Variants in ADAMTSL1 observed in about 807,000 individuals in gnomAD.
ADAMTSL1 encodes ADAMTS like 1.
In ADAMTSL1, 126 loss-of-function variants were observed where a neutral mutation model predicts 201.8. The observed-to-expected ratio is 0.62, with a 90% CI of 0.54 to 0.72. The LOEUF (loss-of-function observed/expected upper bound fraction) is 0.72. ADAMTSL1 is among the 30% of genes least tolerant of loss of function. The probability of loss-of-function intolerance (pLI) is 0.00; values close to 1 mark genes in which losing one functional copy is unlikely to be tolerated. For synonymous variants in ADAMTSL1, 1,121 were observed against 903.4 expected (o/e 1.24, Z -4.32); for missense variants, 2,679 against 2,277.8 (o/e 1.18, Z -3.59).
At chr9:18,004,780 T>C (rs936012435) in intron 1 of ADAMTSL1, among the ~76,000 whole-genome samples, 2 of 151,980 alleles carry the variant, frequency 1.3e-5, no homozygotes, top group Non-Finnish European at 2.9e-5. Flanking sequence ...TTAGTATTAT[T>C]TATTAGAAGA....
chr9:18,156,032 A>T (rs1267094327), intron 1 of ADAMTSL1, among the ~76,000 whole-genome samples: 1 of 152,020 alleles, frequency 6.6e-6, no homozygotes, highest in South Asian at 2.1e-4. Flanking sequence ...GAAGAGTCTC[A>T]GACTGCAGCC....
chr9:18,890,050 G>A (rs376869966), intron 25 of ADAMTSL1, among the ~76,000 whole-genome samples: 87 of 152,166 alleles, frequency 5.7e-4, no homozygotes, highest in Non-Finnish European at 7.5e-4. Context: ...AGCCATAGAC[G>A]CCCCCCATCC....
At chr9:18,009,128 C>T (rs944553573) in intron 1 of ADAMTSL1, among the ~76,000 whole-genome samples, 20 of 152,020 alleles carry the variant, frequency 1.3e-4, no homozygotes, top group Non-Finnish European at 2.6e-4. Context: ...CATTATTCAA[C>T]CAGTTCTTGC....
In ADAMTSL1 at chr9:17,994,090, T is replaced by TTGTGTGTGTGTG. The variant is rs367861504; in HGVS notation, c.87+87188_87+87199dup. Reference sequence around the variant, plus strand: ...CTCCACCTCGGCAGACAGAATCTCATTGTGTGTGTGTGTGTGTGTGTGTGT... The same window carrying TTGTGTGTGTGTG: ...CTCCACCTCGGCAGACAGAATCTCATTGTGTGTGTGTGTGTGTGTGTGTGTGTGTGTGTGTGT... On this transcript the variant is annotated intron_variant, in intron 1 of 29. Transcript: ENST00000680146. Among the ~76,000 whole-genome samples the TTGTGTGTGTGTG allele has an allele frequency of 8.3e-3, 1,186 of 142,160 alleles. 22 individuals carry two copies. The highest frequency in any genetic ancestry group is 0.029 in the African/African-American group (1,124 of 39,144). The allele number at this position is 142,160 out of a possible 152,430, so 93.3% of individuals were successfully genotyped here.
chr9:18,771,720 T>C lies in ADAMTSL1; in HGVS notation c.2397+939T>C, dbSNP rs1820699574. On this transcript the variant is annotated intron_variant, in intron 17 of 28. Transcript: ENST00000380548. ...ACCCCAGTGCCTTTTTTTTTTTTTT[T>C]TTTTTTTTTTTTTGGATAGTATACA... 2.4e-5 allele frequency among the ~76,000 whole-genome samples: 3 copies of C among 123,620 alleles called. 1 individual carries two copies. Among genetic ancestry groups the C allele is most frequent in the East Asian group, 4.4e-4 (2 of 4,588 alleles). The allele number at this position is 123,620 out of a possible 152,430, so 81.1% of individuals were successfully genotyped here.
intron 2 of ADAMTSL1, among the ~76,000 whole-genome samples, chr9:18,218,355 A>T (rs980489116): frequency 6.6e-6 from 1 of 152,188 alleles, no homozygotes; most frequent in African/African-American, 2.4e-5. Context: ...TATTAAGTCC[A>T]TGCTATTTGG....
At chr9:18,474,109 A>G, upstream of ADAMTSL1, 1 of 531,884 alleles carries the variant, frequency 1.9e-6, no homozygotes. Context: ...GAAATGTGAG[A>G]GGGGCTGATG....
chr9:18,464,027 G>T (rs1374354478), intron 2 of ADAMTSL1, among the ~76,000 whole-genome samples: 1 of 152,224 alleles, frequency 6.6e-6, no homozygotes, highest in African/African-American at 2.4e-5. Flanking sequence ...GAATGAACAG[G>T]ATGCACTGCC....
At chr9:18,819,930 G>A (rs1307627784) in intron 21 of ADAMTSL1, among the ~76,000 whole-genome samples, 4 of 152,312 alleles carry the variant, frequency 2.6e-5, no homozygotes, top group Admixed American at 2.6e-4. Context: ...ATGCCAAATG[G>A]CAGAGGATTA....
At chr9:18,730,882 C>T (rs373558945) in intron 15 of ADAMTSL1, among the ~76,000 whole-genome samples, 15 of 152,276 alleles carry the variant, frequency 9.9e-5, no homozygotes, top group African/African-American at 1.9e-4. Flanking sequence ...GACACCTTTT[C>T]GGCTGCCTAA....
At chr9:18,663,584 C>T (rs1167169322) in intron 9 of ADAMTSL1, among the ~76,000 whole-genome samples, 1 of 152,046 alleles carries the variant, frequency 6.6e-6, no homozygotes, top group Admixed American at 6.6e-5. Flanking sequence ...GCACAGTTAT[C>T]CTAATTCAGA....
intron 1 of ADAMTSL1, among the ~76,000 whole-genome samples, chr9:18,035,229 C>T (rs889696589): frequency 1.2e-4 from 19 of 152,324 alleles, no homozygotes; most frequent in African/African-American, 4.3e-4. Flanking sequence ...TCAGCATAGA[C>T]AGCGGCTTTT....
chr9:18,753,363 T>A lies in ADAMTSL1; in HGVS notation c.2072T>A (p.Val691Asp). 2 of 1,612,530 alleles carry A rather than the reference T, an allele frequency of 1.2e-6. No homozygotes were observed. Among genetic ancestry groups the A allele is most frequent in the Non-Finnish European group, 1.7e-6 (2 of 1,179,386 alleles). Reference sequence around the variant, plus strand: ...GGGGTCGGCCTACAGACCAGAGACGTCTTCTGCAGCCACCTGCTTTCCAGA... The same window carrying A: ...GGGGTCGGCCTACAGACCAGAGACGACTTCTGCAGCCACCTGCTTTCCAGA... ...TCGVGLQTRD[V>D]FCSHLLSREM... The change falls in exon 16 of 29, where the codon GTC becomes GAC. Residue 691 changes from valine (V) to aspartate (D), a missense_variant. Transcript: ENST00000380548.
chr9:18,163,168 C>T (rs1827475883), intron 1 of ADAMTSL1, among the ~76,000 whole-genome samples: 2 of 151,960 alleles, frequency 1.3e-5, no homozygotes, highest in Non-Finnish European at 2.9e-5. Flanking sequence ...AGAGTTAGAC[C>T]TGTATTTGAA....
chr9:18,568,429 T>A (rs1822077210), intron 3 of ADAMTSL1, among the ~76,000 whole-genome samples: 1 of 152,236 alleles, frequency 6.6e-6, no homozygotes, highest in South Asian at 2.1e-4. Context: ...CAGCCTTTTA[T>A]GGTAATCTTT....
At position 18,874,769 on chromosome 9, in the gene ADAMTSL1, T is replaced by C. The variant is rs146468745; in HGVS notation, c.4250-13062T>C. 3.9e-5 allele frequency among the ~76,000 whole-genome samples: 6 copies of C among 152,310 alleles called. No homozygotes were observed. The East Asian group carries it at 1.2e-3, about 29-fold the overall frequency. ...TTTCCTGGTTTTGGTATTAGGATGA[T>C]ACTGGCTTCATAGACTGATTTAGGG... On this transcript the variant is annotated intron_variant, in intron 23 of 28. Transcript: ENST00000380548.
intron 23 of ADAMTSL1, among the ~76,000 whole-genome samples, chr9:18,873,506 C>T (rs1179470599): frequency 2.0e-5 from 3 of 152,214 alleles, no homozygotes; most frequent in African/African-American, 7.2e-5. Flanking sequence ...CAGTTTCATT[C>T]TCCTACATGT....
intron 7 of ADAMTSL1, among the ~76,000 whole-genome samples, chr9:18,649,033 C>A (rs1289329686): frequency 1.3e-5 from 2 of 150,856 alleles, no homozygotes; most frequent in African/African-American, 4.9e-5. Flanking sequence ...ACCAATCAGA[C>A]GCAGATTTGG....
At chr9:18,799,969 C>T (rs999189032) in intron 20 of ADAMTSL1, among the ~76,000 whole-genome samples, 2 of 152,114 alleles carry the variant, frequency 1.3e-5, no homozygotes, top group African/African-American at 4.8e-5. Flanking sequence ...ATTTTTCACC[C>T]AGCAGTTCTG....
Sources: allele counts gnomAD v4.1 joint callset (sites outside exome capture counted in the v4.1 genomes callset), GRCh38; gene constraint gnomAD v4.1.1; transcripts MANE v1.5; gene names NCBI Gene and HGNC (gene_info 2026-07-23, HGNC 2026-07-21).